The following NOS1AP variants were observed in gnomAD, a reference collection of about 807,000 sequenced individuals.
NOS1AP encodes nitric oxide synthase 1 adaptor protein, also known as carboxyl-terminal PDZ ligand of neuronal nitric oxide synthase protein.
NOS1AP carries 21 observed loss-of-function variants against 56.2 expected under a neutral mutation model. The ratio of observed to expected loss-of-function variants is 0.37; its 90% CI spans 0.26 to 0.54. NOS1AP has a LOEUF of 0.54. Among genes scored for constraint, NOS1AP ranks in the 20% least tolerant of loss-of-function variants. The pLI, the probability that NOS1AP is intolerant of heterozygous loss-of-function variation, is 0.84. For missense variants in NOS1AP, 522 were observed against 657.8 expected, an observed-to-expected ratio of 0.79 and a Z score of 2.26; for synonymous variants, 270 against 274.6, an observed-to-expected ratio of 0.98 and a Z score of 0.17.
At chr1:162,122,215 TAA>T (rs1241921901) in intron 1 of NOS1AP, among the ~76,000 whole-genome samples, 1 of 152,220 alleles carries the variant, frequency 6.6e-6, no homozygotes, top group Non-Finnish European at 1.5e-5. Context: ...CTTCTAATGA[TAA>T]GTGTCCAGAA....
intron 1 of NOS1AP, among the ~76,000 whole-genome samples, chr1:162,147,937 G>C (rs1285589591): frequency 6.6e-6 from 1 of 152,144 alleles, no homozygotes; most frequent in African/African-American, 2.4e-5. Context: ...CTGGAAGGGG[G>C]GGATGCAGGA....
chr1:162,242,475 C>T (rs879305021), intron 2 of NOS1AP, among the ~76,000 whole-genome samples: 68 of 152,292 alleles, frequency 4.5e-4, no homozygotes, highest in Admixed American at 8.5e-4. Flanking sequence ...ACTCTGGTGA[C>T]AGCTCCAGCT....
At chr1:162,201,356 G>A (rs1169194389) in intron 2 of NOS1AP, among the ~76,000 whole-genome samples, 1 of 152,128 alleles carries the variant, frequency 6.6e-6, no homozygotes, top group Admixed American at 6.5e-5. Flanking sequence ...TATCACTGAT[G>A]GGCATTTAGG....
intron 1 of NOS1AP, among the ~76,000 whole-genome samples, chr1:162,100,916 A>T (rs12036529): frequency 0.21 from 31,896 of 151,748 alleles, 4,644 homozygotes; most frequent in South Asian, 0.56. Flanking sequence ...AGTTTCTTTC[A>T]CTTTGCGGAA....
At chr1:162,142,665 A>G (rs1649287675) in intron 1 of NOS1AP, among the ~76,000 whole-genome samples, 1 of 152,206 alleles carries the variant, frequency 6.6e-6, no homozygotes, top group South Asian at 2.1e-4. Flanking sequence ...GCATATTGTC[A>G]TCTTTCTTTC....
At chr1:162,176,377 A>C (rs754593646) in intron 2 of NOS1AP, among the ~76,000 whole-genome samples, 1 of 152,000 alleles carries the variant, frequency 6.6e-6, no homozygotes, top group Non-Finnish European at 1.5e-5. Context: ...TACTATCCCT[A>C]TAATTTTTGC....
At chr1:162,331,383 G>C (rs1039978393) in intron 4 of NOS1AP, among the ~76,000 whole-genome samples, 1 of 152,098 alleles carries the variant, frequency 6.6e-6, no homozygotes, top group Admixed American at 6.6e-5. Flanking sequence ...TTGGGGTCCT[G>C]TGGCAAGAAT....
rs370477813 is a variant in NOS1AP, at chr1:162,307,275, A to G, written c.344+6569A>G. On this transcript the variant is annotated intron_variant, in intron 4 of 9. Transcript: ENST00000361897. ...TGATGGAATTAACATGTTTGACTAA[A>G]TTAGTCCCTAGGCTGTTTATGTTCC... Among the ~76,000 whole-genome samples the G allele has an allele frequency of 5.9e-5, 9 of 152,338 alleles. No individual in the cohort carries two copies. The East Asian group carries it at 1.7e-3, about 29-fold the overall frequency.
intron 5 of NOS1AP, among the ~76,000 whole-genome samples, chr1:162,339,413 A>AAT (rs531982577): frequency 0.018 from 2,815 of 152,206 alleles, 76 homozygotes; most frequent in African/African-American, 0.062. Flanking sequence ...AAAAAAAAAA[A>AAT]AATCTAGTAA....
In NOS1AP at chr1:162,070,158, C is replaced by T; in HGVS notation, c.-20C>T. 6.2e-7 allele frequency: 1 copy of T among 1,602,684 alleles called. No homozygotes were observed. Among genetic ancestry groups the T allele is most frequent in the Non-Finnish European group, 8.5e-7 (1 of 1,170,020 alleles). ...CCTGCAGCCGCCGCCTCCGAAGGAGCGGGTCCGCCGCGGGTAACCATGCCT... is the reference window on the plus strand; with the variant it reads ...CCTGCAGCCGCCGCCTCCGAAGGAGTGGGTCCGCCGCGGGTAACCATGCCT... On this transcript the variant is annotated 5_prime_UTR_variant, in exon 1 of 10. Transcript: ENST00000361897.
chr1:162,331,791 A>C lies in NOS1AP; in HGVS notation c.345-1226A>C, dbSNP rs933111886. The stretch of plus-strand genomic sequence containing the variant: ...TAATTCCACTGATGCACCCGCTCCA[A>C]CTCCCTGCACCGACCCCACAGCAGT... On this transcript the variant is annotated intron_variant, in intron 4 of 9. Transcript: ENST00000361897. Among the ~76,000 whole-genome samples the C allele has an allele frequency of 2.0e-5, 3 of 151,980 alleles. No individual in the cohort carries two copies. The East Asian group carries it at 5.8e-4, about 29-fold the overall frequency.
chr1:162,176,720 G>T (rs1403471230), intron 2 of NOS1AP, among the ~76,000 whole-genome samples: 1 of 152,050 alleles, frequency 6.6e-6, no homozygotes, highest in African/African-American at 2.4e-5. Flanking sequence ...CATTGGCCAA[G>T]ATGGTCTTGA....
rs1046105786 is a variant in NOS1AP, at chr1:162,357,032, C to T, written c.835C>T (p.Pro279Ser). ...MLLPSSSSKPPGLGTETPLST... is the reference protein window; with the variant it reads ...MLLPSSSSKPSGLGTETPLST... Reference sequence around the variant, plus strand: ...GCTCCCTTCTTCTTCCTCGAAGCCTCCAGGCCTGGGCACAGAGACACCGCT... The same window carrying T: ...GCTCCCTTCTTCTTCCTCGAAGCCTTCAGGCCTGGGCACAGAGACACCGCT... The change falls in exon 8 of 10, where the codon CCA becomes TCA. Residue 279 changes from proline (P) to serine (S), a missense_variant. Physicochemically the swap from Pro to Ser is moderately conservative, Grantham distance 74. Coordinates refer to ENST00000361897, the MANE Select transcript of NOS1AP (RefSeq NM_014697.3). 1 of 1,613,876 alleles carries T rather than the reference C, an allele frequency of 6.2e-7. No homozygotes were observed. The highest frequency in any genetic ancestry group is 1.7e-5 in the Admixed American group (1 of 60,012).
chr1:162,287,207 G>A (rs1412332734), intron 2 of NOS1AP, 137 bp from the exon 3 acceptor site: 6 of 662,146 alleles, frequency 9.1e-6, no homozygotes, highest in Admixed American at 2.4e-5. Flanking sequence ...TACATCCCCC[G>A]AGGTGCTCCC....
rs143207687 is a variant in NOS1AP, at chr1:162,119,301, G to A, written c.106-35104G>A. 3.7e-3 allele frequency among the ~76,000 whole-genome samples: 562 copies of A among 152,122 alleles called. 7 individuals are homozygous for A. The highest frequency in any genetic ancestry group is 0.013 in the African/African-American group (535 of 41,482). On this transcript the variant is annotated intron_variant, in intron 1 of 9. Transcript: ENST00000361897. ...TTACTTTCCTCCAGTTTGGAAATGG[G>A]GTCTGGCAGCTCAGTGTCTGACACT...
At chr1:162,356,011 G>T (rs903595547) in intron 7 of NOS1AP, among the ~76,000 whole-genome samples, 1 of 152,162 alleles carries the variant, frequency 6.6e-6, no homozygotes. Context: ...CTGACCAATA[G>T]CTCTACCCTT....
chr1:162,176,505 CTTTTTT>C (rs34280743), intron 2 of NOS1AP, among the ~76,000 whole-genome samples: 20 of 87,474 alleles, frequency 2.3e-4, no homozygotes, highest in African/African-American at 8.3e-4. Context: ...CATAATAGCT[CTTTTTT>C]TTTTTTTTTT....
At chr1:162,189,887 G>A (rs982477257) in intron 2 of NOS1AP, among the ~76,000 whole-genome samples, 1 of 152,126 alleles carries the variant, frequency 6.6e-6, no homozygotes, top group African/African-American at 2.4e-5. Context: ...TCTGTTCATG[G>A]CGAGGGATCA....
rs188840443 is a variant in NOS1AP, at chr1:162,141,808, G to C, written c.106-12597G>C. ...GTTGCTGTTTTGTGATGCTGCTGCC[G>C]ATGTTAATGAGAATGATTAATTCCT... On this transcript the variant is annotated intron_variant, in intron 1 of 9. Coordinates refer to ENST00000361897, the MANE Select transcript of NOS1AP (RefSeq NM_014697.3). Among the ~76,000 whole-genome samples the C allele has an allele frequency of 3.4e-3, 520 of 152,268 alleles. 2 individuals are homozygous for C. Among genetic ancestry groups the C allele is most frequent in the African/African-American group, 0.012 (503 of 41,552 alleles).
Sources: allele counts gnomAD v4.1 joint callset (sites outside exome capture counted in the v4.1 genomes callset), GRCh38; gene constraint gnomAD v4.1.1; transcripts MANE v1.5; gene names NCBI Gene and HGNC (gene_info 2026-07-23, HGNC 2026-07-21).